SAMD5: variants seen among roughly 807,000 people sequenced by gnomAD.
SAMD5 encodes sterile alpha motif domain containing 5.
Under a neutral mutation model 11.3 loss-of-function variants are expected in SAMD5, and 13 were observed. That is an observed-to-expected ratio of 1.15 (90% CI 0.75 to 1.83). The LOEUF (loss-of-function observed/expected upper bound fraction) is 1.83, where lower values mean the gene tolerates loss of function less well. Among genes scored for constraint, SAMD5 ranks in the 40% most tolerant of loss-of-function variants. The pLI is 0.00. For synonymous variants in SAMD5, 129 were observed against 111.3 expected (o/e 1.16, Z -1.00); for missense variants, 255 against 239.1 (o/e 1.07, Z -0.44).
At chr6:147,609,945 AT>A (rs1299560130) in intron 1 of SAMD5, among the ~76,000 whole-genome samples, 1 of 152,124 alleles carries the variant, frequency 6.6e-6, no homozygotes, top group African/African-American at 2.4e-5. Context: ...CCTGGATTTA[AT>A]TTTTTTTAAC....
chr6:147,518,112 C>A (rs1163671001), intron 1 of SAMD5, among the ~76,000 whole-genome samples: 1 of 152,054 alleles, frequency 6.6e-6, no homozygotes, highest in Non-Finnish European at 1.5e-5. Context: ...GTCTGTGGCC[C>A]AAAAGGAGAG....
At position 147,711,949 on chromosome 6, in the gene SAMD5, A is replaced by T. The variant is rs1791406409; in HGVS notation, c.163-25368A>T. ...ATCTTTTAAGCTAAGATGTATCTTC[A>T]GTACCTTGGGACAAAGAAATGAGCA... On this transcript the variant is annotated intron_variant, in intron 1 of 1. Transcript: ENST00000566741. The surrounding 1 kb of genome is among the most constrained non-coding windows in gnomAD (Gnocchi z 4.1). Among the ~76,000 whole-genome samples, 1 of 152,248 alleles carries T rather than the reference A, an allele frequency of 6.6e-6. No individual in the cohort carries two copies. Among genetic ancestry groups the T allele is most frequent in the Admixed American group, 6.5e-5 (1 of 15,286 alleles).
intron 1 of SAMD5, among the ~76,000 whole-genome samples, chr6:147,520,827 C>G (rs1443827121): frequency 6.6e-6 from 1 of 152,108 alleles, no homozygotes; most frequent in Non-Finnish European, 1.5e-5. Flanking sequence ...TTAAATCAAG[C>G]TAGCTTATCC....
chr6:147,546,821 AT>A (rs1788695254), intron 1 of SAMD5, among the ~76,000 whole-genome samples: 1 of 152,240 alleles, frequency 6.6e-6, no homozygotes, highest in Admixed American at 6.5e-5. Flanking sequence ...ATTTCTTGAT[AT>A]CCCCATTCCC....
chr6:147,664,042 T>C (rs1010613525), intron 1 of SAMD5, among the ~76,000 whole-genome samples: 1 of 152,044 alleles, frequency 6.6e-6, no homozygotes, highest in Admixed American at 6.6e-5. Context: ...GTTTTTGAAA[T>C]GGTTAGAGAA....
In SAMD5 at chr6:147,609,226, A is replaced by G. The variant is rs999420772; in HGVS notation, c.162+99839A>G. On this transcript the variant is annotated intron_variant, in intron 1 of 1. Coordinates refer to the SAMD5 transcript ENST00000566741. The stretch of plus-strand genomic sequence containing the variant: ...CCATTAGAGTGGGCCCTAATCCAAT[A>G]TGACTTGTGTCCTCATAAAAAGGAA... Among the ~76,000 whole-genome samples, 9 of 152,298 alleles carry G rather than the reference A, an allele frequency of 5.9e-5. 1 individual carries two copies. In the South Asian group the frequency reaches 8.3e-4, roughly 14 times the overall value.
At position 147,711,921 on chromosome 6, in the gene SAMD5, A is replaced by G. The variant is rs574198223; in HGVS notation, c.163-25396A>G. ...GGGGCCCACTCAGAGGTCTGCACCA[A>G]CCATCTTTTAAGCTAAGATGTATCT... On this transcript the variant is annotated intron_variant, in intron 1 of 1. Transcript: ENST00000566741. This position sits in a 1 kb window ranked among gnomAD's most constrained non-coding sequence, Gnocchi z 4.1. 6.6e-6 allele frequency among the ~76,000 whole-genome samples: 1 copy of G among 152,338 alleles called. No individual in the cohort carries two copies. The highest frequency in any genetic ancestry group is 2.1e-4 in the South Asian group (1 of 4,830).
intron 1 of SAMD5, among the ~76,000 whole-genome samples, chr6:147,591,890 G>C (rs1354968744): frequency 6.6e-6 from 1 of 152,000 alleles, no homozygotes; most frequent in Non-Finnish European, 1.5e-5. Context: ...TCTGAGAAGG[G>C]CTCAGGAGGC....
intron 1 of SAMD5, among the ~76,000 whole-genome samples, chr6:147,515,445 C>G (rs1025445793): frequency 2.0e-5 from 3 of 149,004 alleles, no homozygotes; most frequent in Admixed American, 1.3e-4. Context: ...TCCATCCATC[C>G]ATCCATCCAT....
intron 1 of SAMD5, among the ~76,000 whole-genome samples, chr6:147,694,643 C>T (rs1195750354): frequency 6.6e-6 from 1 of 152,052 alleles, no homozygotes; most frequent in Non-Finnish European, 1.5e-5. Flanking sequence ...ATAGGGAGAC[C>T]TAGTCTCTAC....
At chr6:147,579,999 C>A (rs10484687) in intron 1 of SAMD5, among the ~76,000 whole-genome samples, 14,929 of 152,250 alleles carry the variant, frequency 0.098, 872 homozygotes, top group Middle Eastern at 0.16. Flanking sequence ...ATGCTGGCTA[C>A]TACTTTCTCC....
intron 1 of SAMD5, among the ~76,000 whole-genome samples, chr6:147,710,190 A>G (rs1182023701): frequency 6.6e-6 from 1 of 152,088 alleles, no homozygotes; most frequent in Non-Finnish European, 1.5e-5. Context: ...ACTGCTCTCC[A>G]TCAGCTCAAT....
intron 1 of SAMD5, among the ~76,000 whole-genome samples, chr6:147,618,741 G>A (rs1171403867): frequency 6.6e-6 from 1 of 152,194 alleles, no homozygotes; most frequent in Non-Finnish European, 1.5e-5. Flanking sequence ...ACTGCCTCAT[G>A]AGCTCAGCGA....
chr6:147,859,281 A>C, the SAMD5 span, among the ~76,000 whole-genome samples: 1 of 152,148 alleles, frequency 6.6e-6, no homozygotes, highest in Admixed American at 6.5e-5. Context: ...TTAGGGCTGA[A>C]TTTTCTGGCT....
At chr6:147,730,554 T>C (rs370866545) in intron 1 of SAMD5, among the ~76,000 whole-genome samples, 10 of 152,220 alleles carry the variant, frequency 6.6e-5, no homozygotes, top group African/African-American at 2.4e-4. Context: ...GGAGTTCAGT[T>C]TGGGGTAGCT....
At chr6:147,691,146 C>T in intron 1 of SAMD5, among the ~76,000 whole-genome samples, 1 of 152,112 alleles carries the variant, frequency 6.6e-6, no homozygotes, top group Non-Finnish European at 1.5e-5. Flanking sequence ...AGGCAGGTGC[C>T]ACCACACCCA....
At chr6:147,810,492 A>G in the SAMD5 span, among the ~76,000 whole-genome samples, 2 of 152,168 alleles carry the variant, frequency 1.3e-5, no homozygotes, top group Non-Finnish European at 2.9e-5. Context: ...GGTACCTCCT[A>G]GAGAATGTGA....
At chr6:147,737,720 G>A (rs1309052048), downstream of SAMD5, among the ~76,000 whole-genome samples, 3 of 131,346 alleles carry the variant, frequency 2.3e-5, no homozygotes, top group African/African-American at 8.6e-5. Flanking sequence ...CTGGAATAGA[G>A]TGGAGTATTA....
chr6:147,685,108 T>C (rs369051392), intron 1 of SAMD5, among the ~76,000 whole-genome samples: 22 of 152,230 alleles, frequency 1.4e-4, no homozygotes, highest in African/African-American at 4.6e-4. Context: ...CATACTCCTT[T>C]CTAAGTTTGG....
Sources: gnomAD v4.1 joint callset for allele counts (sites outside exome capture counted in the v4.1 genomes callset) on GRCh38, gnomAD v4.1.1 for gene constraint, Gnocchi (gnomAD v3.1) non-coding constraint, MANE v1.5 for transcripts, NCBI Gene and HGNC (gene_info 2026-07-23, HGNC 2026-07-21) for gene names.